The following CPNE4 variants were observed in gnomAD, a reference collection of about 807,000 sequenced individuals.
CPNE4 encodes the protein copine-4.
CPNE4 carries 25 observed loss-of-function variants against 67.9 expected under a neutral mutation model. The ratio of observed to expected loss-of-function variants is 0.37; its 90% CI spans 0.27 to 0.51. CPNE4 has a LOEUF of 0.51. Among genes scored for constraint, CPNE4 ranks in the 20% least tolerant of loss-of-function variants. The probability of loss-of-function intolerance (pLI) is 0.93; values close to 1 mark genes in which losing one functional copy is unlikely to be tolerated. For synonymous variants in CPNE4, 242 were observed against 244.9 expected (o/e 0.99, Z 0.11); for missense variants, 464 against 690.8 (o/e 0.67, Z 3.68).
intron 2 of CPNE4, among the ~76,000 whole-genome samples, chr3:131,732,356 TG>T (rs2082147568): frequency 6.6e-6 from 1 of 152,254 alleles, no homozygotes; most frequent in South Asian, 2.1e-4. Context: ...TTAGTGAATA[TG>T]GTATCCATTC....
At chr3:131,900,812 A>G (rs2088525802) in intron 2 of CPNE4, among the ~76,000 whole-genome samples, 1 of 152,132 alleles carries the variant, frequency 6.6e-6, no homozygotes, top group Non-Finnish European at 1.5e-5. Flanking sequence ...TGTTACATAT[A>G]ACCGCACAAA....
rs1560682558 is a variant in CPNE4, at chr3:131,958,971, T to TAAGTTTCAATTATCCTATA, written c.-1-53528_-1-53527insTATAGGATAATTGAAACTT. 6.4e-3 allele frequency among the ~76,000 whole-genome samples: 133 copies of TAAGTTTCAATTATCCTATA among 20,736 alleles called. 3 individuals carry two copies. Among genetic ancestry groups the TAAGTTTCAATTATCCTATA allele is most frequent in the South Asian group, 7.7e-3 (4 of 520 alleles). 13.6% of individuals were successfully genotyped at this position (20,736 alleles called of 152,430 possible). On this transcript the variant is annotated intron_variant, in intron 1 of 15. Transcript: ENST00000429747. ...CGGCTCCCGGCCTGATACACCTTTCTTTTTTTTTTTTTTTTTTTTTTTTTT... is the reference window on the plus strand; with the variant it reads ...CGGCTCCCGGCCTGATACACCTTTCTAAGTTTCAATTATCCTATATTTTTTTTTTTTTTTTTTTTTTTTT...
intron 1 of CPNE4, among the ~76,000 whole-genome samples, chr3:131,934,521 A>G (rs7613810): frequency 0.36 from 54,485 of 151,950 alleles, 10,380 homozygotes; most frequent in African/African-American, 0.47. Context: ...CCACCAACCC[A>G]TCATCTACAT....
At chr3:131,964,559 G>C (rs2072286075) in intron 1 of CPNE4, among the ~76,000 whole-genome samples, 1 of 151,780 alleles carries the variant, frequency 6.6e-6, no homozygotes, top group South Asian at 2.1e-4. Flanking sequence ...AACACAGCAT[G>C]AGAACTTTGT....
chr3:131,592,600 C>CTGA (rs1446580661), intron 7 of CPNE4, among the ~76,000 whole-genome samples: 2 of 151,326 alleles, frequency 1.3e-5, no homozygotes, highest in African/African-American at 4.8e-5. Context: ...AATGTCATAG[C>CTGA]TGATATACAT....
At chr3:131,672,881 G>A (rs1275746963) in intron 6 of CPNE4, among the ~76,000 whole-genome samples, 1 of 151,872 alleles carries the variant, frequency 6.6e-6, no homozygotes, top group Non-Finnish European at 1.5e-5. Context: ...GGTTGCTTGT[G>A]CTTGTGGGGT....
At chr3:132,025,880 C>G (rs979775483) in intron 1 of CPNE4, among the ~76,000 whole-genome samples, 1 of 152,310 alleles carries the variant, frequency 6.6e-6, no homozygotes, top group East Asian at 1.9e-4. Flanking sequence ...ACAGAATAGT[C>G]TTGCAAATAT....
At chr3:131,551,763 C>T (rs900302104) in intron 13 of CPNE4, among the ~76,000 whole-genome samples, 5 of 152,022 alleles carry the variant, frequency 3.3e-5, no homozygotes, top group African/African-American at 1.2e-4. Flanking sequence ...GTCTTATGAT[C>T]TTCATAGCAA....
At chr3:132,031,709 G>T (rs1439189855) in intron 1 of CPNE4, among the ~76,000 whole-genome samples, 1 of 152,188 alleles carries the variant, frequency 6.6e-6, no homozygotes, top group Non-Finnish European at 1.5e-5. Flanking sequence ...TCGAAGTGAA[G>T]TCAGAAGAAG....
intron 10 of CPNE4, among the ~76,000 whole-genome samples, chr3:131,571,489 T>C (rs6808442): frequency 0.13 from 20,303 of 152,032 alleles, 2,877 homozygotes; most frequent in African/African-American, 0.36. Flanking sequence ...CTACAGCTGC[T>C]GTTGCCTCGC....
intron 2 of CPNE4, among the ~76,000 whole-genome samples, chr3:131,849,057 A>C (rs2086130351): frequency 6.6e-6 from 1 of 151,122 alleles, no homozygotes; most frequent in African/African-American, 2.4e-5. Flanking sequence ...ACATTTCCTC[A>C]GGGAACCCTT....
intron 1 of CPNE4, among the ~76,000 whole-genome samples, chr3:131,951,886 G>A (rs2071738976): frequency 6.6e-6 from 1 of 152,098 alleles, no homozygotes; most frequent in African/African-American, 2.4e-5. Context: ...CCAGGCTGGA[G>A]TGCAGTGGTG....
intron 1 of CPNE4, among the ~76,000 whole-genome samples, chr3:131,978,213 TATATAATAA>T (rs2072747945): frequency 2.6e-4 from 12 of 45,970 alleles, no homozygotes; most frequent in African/African-American, 1.8e-3. Flanking sequence ...ATATATAATA[TATATAATAA>T]ATTTACATAT....
intron 2 of CPNE4, among the ~76,000 whole-genome samples, chr3:131,748,120 A>G (rs764380377): frequency 6.6e-6 from 1 of 152,006 alleles, no homozygotes; most frequent in Non-Finnish European, 1.5e-5. Context: ...TTTCTTTTGT[A>G]GCCTGTTAAT....
At chr3:131,634,552 G>A (rs1164908793) in intron 7 of CPNE4, among the ~76,000 whole-genome samples, 1 of 152,098 alleles carries the variant, frequency 6.6e-6, no homozygotes, top group Admixed American at 6.5e-5. Flanking sequence ...TTCATAGTCT[G>A]TTCTTATTTG....
chr3:131,798,925 C>T (rs1284936973), intron 2 of CPNE4, among the ~76,000 whole-genome samples: 4 of 151,952 alleles, frequency 2.6e-5, no homozygotes, highest in Non-Finnish European at 4.4e-5. Context: ...AAACCACAAA[C>T]CCAAAAGAAA....
chr3:131,680,253 CT>C (rs34739453), intron 6 of CPNE4, among the ~76,000 whole-genome samples: 22,258 of 143,996 alleles, frequency 0.15, 3,272 homozygotes, highest in East Asian at 0.62. Context: ...GCAACCCCTG[CT>C]TTTTTTTTTT....
chr3:131,637,182 C>G (rs1423226412), intron 7 of CPNE4, among the ~76,000 whole-genome samples: 7 of 152,082 alleles, frequency 4.6e-5, no homozygotes, highest in Non-Finnish European at 1.0e-4. Flanking sequence ...CAGATCCAAA[C>G]CAAGGCAAAA....
Position 131,669,676 on chromosome 3 carries a change from T to A in CPNE4, c.680A>T (p.Lys227Met). 6.2e-7 allele frequency: 1 copy of A among 1,608,018 alleles called. No individual in the cohort carries two copies. ...ATTTCTTGGACACAGATTTCTGACC[T>A]TTAGCCGGCGGTCTGGGTCTCCGCT... is the stretch of plus-strand genomic sequence containing the variant. Reference protein sequence around the residue: ...LCSGDPDRRLKCIVWDWDSNG... With the variant: ...LCSGDPDRRLMCIVWDWDSNG... The change falls in exon 7 of 16, where the codon AAG becomes ATG. Residue 227 changes from lysine (K) to methionine (M), a missense_variant and splice_region_variant. Around this residue, in one of 6 missense-constraint regions of CPNE4, gnomAD observed 58 missense variants for 63.5 expected, o/e 0.91. Coordinates refer to ENST00000429747, the MANE Select transcript of CPNE4 (RefSeq NM_130808.3).
Sources: allele counts gnomAD v4.1 joint callset (sites outside exome capture counted in the v4.1 genomes callset), GRCh38; gene constraint gnomAD v4.1.1; regional missense constraint gnomAD v4.1.1; transcripts MANE v1.5; gene names NCBI Gene and HGNC (gene_info 2026-07-23, HGNC 2026-07-21).